The following PCBP3 variants were observed in gnomAD, a reference collection of about 807,000 sequenced individuals.
The protein encoded by PCBP3 is poly(rC) binding protein 3, also known as poly(rC)-binding protein 3.
PCBP3 carries 25 observed loss-of-function variants against 52.7 expected under a neutral mutation model. The ratio of observed to expected loss-of-function variants is 0.47; its 90% CI spans 0.35 to 0.66. The LOEUF (loss-of-function observed/expected upper bound fraction) is 0.66, where lower values mean the gene tolerates loss of function less well. PCBP3 is among the 30% of genes least tolerant of loss of function. The pLI is 0.01. For missense variants in PCBP3, 391 were observed against 490.3 expected (o/e 0.80, Z 1.91); for synonymous variants, 162 against 183.0 (o/e 0.89, Z 0.93).
chr21:45,910,024 A>C (rs1603488359), intron 10 of PCBP3, among the ~76,000 whole-genome samples: 1 of 31,478 alleles, frequency 3.2e-5, no homozygotes, highest in Non-Finnish European at 5.7e-5. Flanking sequence ...GACCTGGCCC[A>C]CCCACTGCCC....
Position 45,831,421 on chromosome 21 carries a change from A to T in PCBP3, c.-125-18540A>T, listed in dbSNP as rs1444580506. The stretch of plus-strand genomic sequence containing the variant: ...TAGATGCTGTCTCAAAAAAAAAAAA[A>T]AAAAAAAAATCAAAACTGATAAACA... On this transcript the variant is annotated intron_variant, in intron 4 of 17. Transcript: ENST00000681687. Among the ~76,000 whole-genome samples, 737 of 152,098 alleles carry T rather than the reference A, an allele frequency of 4.8e-3. 7 individuals carry two copies. The highest frequency in any genetic ancestry group is 0.016 in the African/African-American group (674 of 41,472).
chr21:45,929,716 C>T (rs756411501), intron 13 of PCBP3, among the ~76,000 whole-genome samples: 9 of 152,352 alleles, frequency 5.9e-5, no homozygotes, highest in African/African-American at 1.4e-4. Context: ...GCCTTCTGCA[C>T]GCCGGGCATT....
At position 45,741,544 on chromosome 21, in the gene PCBP3, A is replaced by T. The variant is rs1056365245; in HGVS notation, c.-162+6115A>T. Among the ~76,000 whole-genome samples the T allele has an allele frequency of 6.6e-6, 1 of 152,284 alleles. No homozygotes were observed. Among genetic ancestry groups the T allele is most frequent in the African/African-American group, 2.4e-5 (1 of 41,550 alleles). On this transcript the variant is annotated intron_variant, in intron 3 of 17. Coordinates refer to ENST00000681687, the MANE Select transcript of PCBP3 (RefSeq NM_001384156.1). The surrounding 1 kb of genome is among the most constrained non-coding windows in gnomAD (Gnocchi z 4.5). ...AAATATGGAGATAAAGAAATGCCAA[A>T]AGAGGCTAAGAGCTCAGGGAAGGAT...
At chr21:45,662,727 A>T (rs1466060046) in intron 1 of PCBP3, among the ~76,000 whole-genome samples, 2 of 152,136 alleles carry the variant, frequency 1.3e-5, no homozygotes, top group African/African-American at 4.8e-5. Context: ...AGCTGAAGGG[A>T]CATGATGAGA....
At chr21:45,919,161 C>CG (rs2074045099) in intron 13 of PCBP3, 1 of 152,310 alleles carries the variant, frequency 6.6e-6, no homozygotes, top group African/African-American at 2.4e-5. Flanking sequence ...GGAAGTGCTT[C>CG]GTGCTGTCAG....
intron 2 of PCBP3, among the ~76,000 whole-genome samples, chr21:45,734,937 G>A (rs2085749409): frequency 6.6e-6 from 1 of 152,220 alleles, no homozygotes; most frequent in African/African-American, 2.4e-5. Context: ...TGCTAATTCA[G>A]TCTGCACAGG....
intron 5 of PCBP3, among the ~76,000 whole-genome samples, chr21:45,865,172 T>C (rs1048893387): frequency 3.9e-5 from 6 of 152,212 alleles, no homozygotes; most frequent in African/African-American, 1.2e-4. Context: ...TTGATGCAGT[T>C]TTTAACATTA....
chr21:45,855,539 C>T (rs1042567377), intron 5 of PCBP3, among the ~76,000 whole-genome samples: 1 of 152,244 alleles, frequency 6.6e-6, no homozygotes, highest in Admixed American at 6.5e-5. Context: ...ACATACAGAG[C>T]CCCTTAGAGT....
At chr21:45,651,751 G>T (rs1370548777) in intron 1 of PCBP3, among the ~76,000 whole-genome samples, 1 of 152,152 alleles carries the variant, frequency 6.6e-6, no homozygotes, top group African/African-American at 2.4e-5. Flanking sequence ...ATTTCTAAAG[G>T]TAGAACTATT....
At chr21:45,818,286 G>C (rs746928935) in intron 4 of PCBP3, among the ~76,000 whole-genome samples, 14 of 152,152 alleles carry the variant, frequency 9.2e-5, no homozygotes, top group Non-Finnish European at 1.3e-4. Flanking sequence ...CTCCTAAAGT[G>C]CTGGGATAAC....
At chr21:45,654,770 T>A (rs1322428124) in intron 1 of PCBP3, among the ~76,000 whole-genome samples, 1 of 152,182 alleles carries the variant, frequency 6.6e-6, no homozygotes, top group Non-Finnish European at 1.5e-5. Flanking sequence ...TACAATTGAG[T>A]GTTTTTTGGT....
intron 2 of PCBP3, among the ~76,000 whole-genome samples, chr21:45,705,946 TC>T (rs1463078701): frequency 6.6e-6 from 1 of 152,220 alleles, no homozygotes; most frequent in Non-Finnish European, 1.5e-5. Flanking sequence ...GACAGATCAT[TC>T]TTTTGCACAT....
chr21:45,654,146 G>A (rs1233917365), intron 1 of PCBP3, among the ~76,000 whole-genome samples: 1 of 151,890 alleles, frequency 6.6e-6, no homozygotes, highest in Non-Finnish European at 1.5e-5. Context: ...ATTATTACTG[G>A]TAACATTAAC....
intron 2 of PCBP3, among the ~76,000 whole-genome samples, chr21:45,713,285 G>A (rs927163802): frequency 3.9e-5 from 6 of 152,048 alleles, no homozygotes; most frequent in Admixed American, 1.3e-4. Context: ...AGATCTTCTC[G>A]CATTGGCTTG....
In PCBP3 at chr21:45,741,893, G is replaced by A. The variant is rs569929591; in HGVS notation, c.-162+6464G>A. On this transcript the variant is annotated intron_variant, in intron 3 of 17. Coordinates refer to ENST00000681687, the MANE Select transcript of PCBP3 (RefSeq NM_001384156.1). This position sits in a 1 kb window ranked among gnomAD's most constrained non-coding sequence, Gnocchi z 4.5. ...CTCTGCAGCGTTAGGCCTGGTGAGC[G>A]CCTCTTGCCCAGTGCCCTGGGGGCG... 5.3e-5 allele frequency among the ~76,000 whole-genome samples: 8 copies of A among 152,234 alleles called. No individual in the cohort carries two copies. In the South Asian group the frequency reaches 8.3e-4, roughly 16 times the overall value.
intron 4 of PCBP3, among the ~76,000 whole-genome samples, chr21:45,812,688 G>A (rs550630722): frequency 2.2e-4 from 33 of 152,276 alleles, no homozygotes; most frequent in African/African-American, 6.7e-4. Context: ...CACCATGCCC[G>A]GCTGTGAACA....
rs572198491 is a variant in PCBP3 at position 45,844,776 on chromosome 21, C to A, written c.-125-5185C>A. Among the ~76,000 whole-genome samples, 61 of 151,336 alleles carry A rather than the reference C, an allele frequency of 4.0e-4. No homozygotes were observed. The South Asian group carries it at 0.013, about 31-fold the overall frequency. On this transcript the variant is annotated intron_variant, in intron 4 of 17. Transcript: ENST00000681687. ...TTCTTTCTTCCTCTCCAGGCAGATTCATAAGAAGAAGACTGGGTCTGAGTT... is the reference window on the plus strand; with the variant it reads ...TTCTTTCTTCCTCTCCAGGCAGATTAATAAGAAGAAGACTGGGTCTGAGTT...
intron 5 of PCBP3, chr21:45,894,103 CTG>C (rs2095757590): frequency 1.1e-6 from 1 of 912,004 alleles, no homozygotes; most frequent in African/African-American, 1.8e-5. Flanking sequence ...GAGCTGCTGA[CTG>C]GAGCAGGGTA....
rs2093340440 is a variant in PCBP3, at chr21:45,827,549, G to A, written c.-125-22412G>A. ...GCCGTCACCAGCTCTACACAGTGAG[G>A]AAGTGGAAAGTCTCAGCCAAGCGAA... On this transcript the variant is annotated intron_variant, in intron 4 of 17. Transcript: ENST00000681687. The surrounding 1 kb of genome is among the most constrained non-coding windows in gnomAD (Gnocchi z 4.3). 1.3e-5 allele frequency among the ~76,000 whole-genome samples: 2 copies of A among 152,182 alleles called. No individual in the cohort carries two copies. The highest frequency in any genetic ancestry group is 1.3e-4 in the Admixed American group (2 of 15,284).
Sources: allele counts gnomAD v4.1 joint callset (sites outside exome capture counted in the v4.1 genomes callset), GRCh38; gene constraint gnomAD v4.1.1; non-coding constraint Gnocchi (gnomAD v3.1); transcripts MANE v1.5; gene names NCBI Gene and HGNC (gene_info 2026-07-23, HGNC 2026-07-21).